MTMR3: variants seen among roughly 807,000 people sequenced by gnomAD.
MTMR3 encodes myotubularin related protein 3, also known as phosphatidylinositol-3,5-bisphosphate 3-phosphatase MTMR3.
Under a neutral mutation model 132.4 loss-of-function variants are expected in MTMR3, and 32 were observed. That is an observed-to-expected ratio of 0.24 (90% CI 0.18 to 0.32). The LOEUF (loss-of-function observed/expected upper bound fraction) is 0.32. Ranked by LOEUF, MTMR3 falls within the 10% of genes least tolerant of loss-of-function variation. The pLI, the probability that MTMR3 is intolerant of heterozygous loss-of-function variation, is 1.00. For missense variants in MTMR3, 1,216 were observed against 1,489.6 expected (o/e 0.82, Z 3.02); for synonymous variants, 556 against 550.3 (o/e 1.01, Z -0.14).
At chr22:30,012,631 C>T (rs2067461582) in intron 13 of MTMR3, 68 bp downstream of exon 13, 2 of 1,452,128 alleles carry the variant, frequency 1.4e-6, no homozygotes, top group African/African-American at 1.4e-5. Context: ...AGGAGTGATA[C>T]CAGTTTTGGG....
At chr22:29,887,264 G>C (rs1051940337) in intron 1 of MTMR3, among the ~76,000 whole-genome samples, 2 of 152,110 alleles carry the variant, frequency 1.3e-5, no homozygotes, top group African/African-American at 4.8e-5. Context: ...TGTTGTTTCT[G>C]GCAAGCTACA....
intron 1 of MTMR3, among the ~76,000 whole-genome samples, chr22:29,916,563 C>A (rs958966370): frequency 1.2e-4 from 2 of 16,672 alleles, no homozygotes; most frequent in Non-Finnish European, 1.9e-4. Context: ...GATCACAGTT[C>A]GGTGCTATTG....
At chr22:29,958,658 TTCTC>T (rs1487998604) in intron 2 of MTMR3, among the ~76,000 whole-genome samples, 2 of 152,212 alleles carry the variant, frequency 1.3e-5, no homozygotes, top group Non-Finnish European at 2.9e-5. Flanking sequence ...CAGAATCTCT[TTCTC>T]TGCTTTTTGC....
chr22:29,971,150 C>A, intron 3 of MTMR3, 88 bp downstream of exon 3: 2 of 1,378,382 alleles, frequency 1.5e-6, no homozygotes, highest in African/African-American at 1.5e-5. Context: ...CATACTTACC[C>A]ATTTTTGTTT....
intron 1 of MTMR3, among the ~76,000 whole-genome samples, chr22:29,949,342 T>C (rs1050056679): frequency 1.3e-5 from 2 of 151,106 alleles, no homozygotes; most frequent in African/African-American, 4.9e-5. Context: ...GTACAAAAAT[T>C]AGCCTGGTGT....
rs1224058188 is a variant in MTMR3 at position 30,029,871 on chromosome 22, CTAAGT to C, written c.*4072_*4076del. The C allele has an allele frequency of 6.6e-6, 1 of 152,334 alleles. No homozygotes were observed. Among genetic ancestry groups the C allele is most frequent in the East Asian group, 1.9e-4 (1 of 5,342 alleles). 9.4% of individuals were successfully genotyped at this position (152,334 alleles called of 1,614,324 possible). On this transcript the variant is annotated 3_prime_UTR_variant, in exon 20 of 20. Coordinates refer to ENST00000401950, the MANE Select transcript of MTMR3 (RefSeq NM_021090.4). ...TAGTCACATTTTCCAGAAAGTTGTT[CTAAGT>C]TGAGATTACTGACAAGATTTCTCAA... is the stretch of plus-strand genomic sequence containing the variant.
intron 19 of MTMR3, chr22:30,024,604 G>A (rs149020509): frequency 6.6e-6 from 1 of 152,282 alleles, no homozygotes; most frequent in African/African-American, 2.4e-5. Context: ...ATCCAGCAGT[G>A]GGTTTGCATT....
At chr22:29,901,444 A>G (rs1177677000) in intron 1 of MTMR3, among the ~76,000 whole-genome samples, 1 of 151,938 alleles carries the variant, frequency 6.6e-6, no homozygotes, top group Non-Finnish European at 1.5e-5. Flanking sequence ...AATAATTAAG[A>G]CTCTATCATA....
intron 1 of MTMR3, among the ~76,000 whole-genome samples, chr22:29,888,859 C>T (rs1481682248): frequency 3.3e-5 from 5 of 149,778 alleles, no homozygotes; most frequent in Admixed American, 2.0e-4. Flanking sequence ...CTGTAACCTC[C>T]GCCTCCTGGG....
chr22:29,972,929 GATAAA>G (rs1470199617), intron 3 of MTMR3, among the ~76,000 whole-genome samples: 6 of 152,268 alleles, frequency 3.9e-5, no homozygotes, highest in East Asian at 1.9e-4. Context: ...TAGTTAGAAT[GATAAA>G]ATAATTAAGT....
chr22:29,909,564 A>G (rs2065167013), intron 1 of MTMR3, among the ~76,000 whole-genome samples: 1 of 152,114 alleles, frequency 6.6e-6, no homozygotes, highest in African/African-American at 2.4e-5. Context: ...TACTTTGTAG[A>G]GTTGAGTAAG....
chr22:29,919,497 A>ATT (rs1455788846), intron 1 of MTMR3, among the ~76,000 whole-genome samples: 2 of 152,144 alleles, frequency 1.3e-5, no homozygotes, highest in Non-Finnish European at 2.9e-5. Context: ...AGTTTAATAA[A>ATT]TATTTTTGGA....
rs140297439 is a variant in MTMR3 at position 29,896,623 on chromosome 22, T to G, written c.-138+13264T>G. Among the ~76,000 whole-genome samples, 680 of 152,204 alleles carry G rather than the reference T, an allele frequency of 4.5e-3. 6 individuals are homozygous for G. The highest frequency in any genetic ancestry group is 0.015 in the African/African-American group (642 of 41,516). On this transcript the variant is annotated intron_variant, in intron 1 of 19. Transcript: ENST00000401950. ...CCCATTTTGAACTCAAGAAAATCAC[T>G]TGAATTTGCTTTTTGTCTAACATAA...
intron 1 of MTMR3, among the ~76,000 whole-genome samples, chr22:29,900,099 A>G (rs912150281): frequency 6.6e-6 from 1 of 152,220 alleles, no homozygotes; most frequent in African/African-American, 2.4e-5. Context: ...TCAAATGTAT[A>G]GCTTAATGAA....
At chr22:29,949,139 A>C (rs1175452421) in intron 1 of MTMR3, among the ~76,000 whole-genome samples, 30 of 24,568 alleles carry the variant, frequency 1.2e-3, no homozygotes, top group African/African-American at 5.4e-3. Context: ...ACACACACAC[A>C]CACACCCCCC....
Position 30,013,526 on chromosome 22 carries a change from C to A in MTMR3, c.1488C>A (p.Phe496Leu). 6.2e-7 allele frequency: 1 copy of A among 1,613,830 alleles called. No individual in the cohort carries two copies. Among genetic ancestry groups the A allele is most frequent in the South Asian group, 1.1e-5 (1 of 91,006 alleles). Residue 496 changes from phenylalanine (F) to leucine (L), a missense_variant, in exon 14 of 20, where the codon TTC (phenylalanine) becomes TTA (leucine). Physicochemically the swap from Phe to Leu is conservative, Grantham distance 22 (BLOSUM62 0). Around this residue, in one of 7 missense-constraint regions of MTMR3, gnomAD observed 106 missense variants for 209.5 expected, o/e 0.51. Coordinates refer to ENST00000401950, the MANE Select transcript of MTMR3 (RefSeq NM_021090.4). ...GGCAATTTCCTTGCTCTTTTGAGTTCAATGAAGCATTCCTTGTAAGTTTCT... is the reference window on the plus strand; with the variant it reads ...GGCAATTTCCTTGCTCTTTTGAGTTAAATGAAGCATTCCTTGTAAGTTTCT... ...LQRQFPCSFE[F>L]NEAFLVKLVQ...
At chr22:29,890,636 G>A (rs1476005906) in intron 1 of MTMR3, among the ~76,000 whole-genome samples, 1 of 152,142 alleles carries the variant, frequency 6.6e-6, no homozygotes, top group East Asian at 1.9e-4. Flanking sequence ...CAGTGTATTA[G>A]TATTCAATTC....
intron 1 of MTMR3, among the ~76,000 whole-genome samples, chr22:29,903,905 C>G (rs1011784044): frequency 1.3e-5 from 2 of 152,090 alleles, no homozygotes. Flanking sequence ...ACAGGTATCT[C>G]ATTTGTAGGC....
At chr22:30,017,766 C>A in intron 15 of MTMR3, 161 bp from the exon 16 acceptor site, 1 of 779,770 alleles carries the variant, frequency 1.3e-6, no homozygotes, top group Non-Finnish European at 2.1e-6. Context: ...CTGTATTGGT[C>A]CTCTTGGGAT....
Sources: gnomAD v4.1 joint callset for allele counts (sites outside exome capture counted in the v4.1 genomes callset) on GRCh38, gnomAD v4.1.1 for gene constraint, gnomAD v4.1.1 regional missense constraint, MANE v1.5 for transcripts, NCBI Gene and HGNC (gene_info 2026-07-23, HGNC 2026-07-21) for gene names.